The following CCDC85A variants were observed in gnomAD, a reference collection of about 807,000 sequenced individuals.
The protein encoded by CCDC85A is coiled-coil domain containing 85A, also known as coiled-coil domain-containing protein 85A.
Under a neutral mutation model 50.2 loss-of-function variants are expected in CCDC85A, and 38 were observed. The observed-to-expected ratio is 0.76, with a 90% confidence interval of 0.58 to 0.99. The LOEUF is 0.99. Among genes scored for constraint, CCDC85A ranks in the 50% least tolerant of loss-of-function variants. The pLI, the probability that CCDC85A is intolerant of heterozygous loss-of-function variation, is 0.00. For synonymous variants in CCDC85A, 366 were observed against 301.4 expected, an observed-to-expected ratio of 1.21 and a Z score of -2.22; for missense variants, 820 against 742.0, an observed-to-expected ratio of 1.11 and a Z score of -1.22.
chr2:56,198,418 T>G (rs1251757327), intron 2 of CCDC85A, among the ~76,000 whole-genome samples: 1 of 152,200 alleles, frequency 6.6e-6, no homozygotes, highest in Non-Finnish European at 1.5e-5. Context: ...GTTAAAGAAA[T>G]AATAATGGTT....
intron 2 of CCDC85A, among the ~76,000 whole-genome samples, chr2:56,201,242 A>G (rs1676736328): frequency 6.6e-6 from 1 of 152,164 alleles, no homozygotes; most frequent in African/African-American, 2.4e-5. Flanking sequence ...TTTCAGCCGT[A>G]TGAAGGAAAG....
intron 2 of CCDC85A, among the ~76,000 whole-genome samples, chr2:56,285,000 A>G (rs1235734522): frequency 1.3e-5 from 2 of 152,090 alleles, no homozygotes; most frequent in Non-Finnish European, 2.9e-5. Flanking sequence ...TACATTTTAT[A>G]TTAGTCTCTT....
chr2:56,283,699 G>A (rs1671303530), intron 2 of CCDC85A, among the ~76,000 whole-genome samples: 1 of 152,084 alleles, frequency 6.6e-6, no homozygotes, highest in African/African-American at 2.4e-5. Flanking sequence ...AAAATTACTG[G>A]TATGAGTTGT....
At chr2:56,198,574 A>G (rs573789526) in intron 2 of CCDC85A, among the ~76,000 whole-genome samples, 292 of 152,366 alleles carry the variant, frequency 1.9e-3, no homozygotes, top group African/African-American at 6.8e-3. Context: ...ATACATTTTG[A>G]CTTAATGACA....
At chr2:56,210,160 A>G (rs1454671858) in intron 2 of CCDC85A, among the ~76,000 whole-genome samples, 3 of 152,114 alleles carry the variant, frequency 2.0e-5, no homozygotes, top group African/African-American at 4.8e-5. Flanking sequence ...CTGTCTGTGA[A>G]GGCACATATC....
At chr2:56,366,607 T>C (rs774431505) in intron 3 of CCDC85A, among the ~76,000 whole-genome samples, 35 of 152,242 alleles carry the variant, frequency 2.3e-4, no homozygotes, top group South Asian at 2.1e-4. Context: ...GTTTCCTTGC[T>C]ATTGAGATGT....
chr2:56,201,076 CCACACACACACACACACACACA>C (rs72152096), intron 2 of CCDC85A, among the ~76,000 whole-genome samples: 1 of 147,300 alleles, frequency 6.8e-6, no homozygotes, highest in Non-Finnish European at 1.5e-5. Flanking sequence ...TCATCTCTCT[CCACACACACACACACACACACA>C]CACACACACA....
Position 56,384,715 on chromosome 2 carries a change from T to C in CCDC85A, c.*360T>C. 1 of 186,030 alleles carries C rather than the reference T, an allele frequency of 5.4e-6. No homozygotes were observed. Among genetic ancestry groups the C allele is most frequent in the Non-Finnish European group, 1.2e-5 (1 of 86,522 alleles). The allele number at this position is 186,030 out of a possible 1,614,324, so 11.5% of individuals were successfully genotyped here. ...AACCTGAATAGTTTTAAGAGTCCAGTGGAGCCTCAGTGTTTTGAATAGAGA... is the reference window on the plus strand; with the variant it reads ...AACCTGAATAGTTTTAAGAGTCCAGCGGAGCCTCAGTGTTTTGAATAGAGA... On this transcript the variant is annotated 3_prime_UTR_variant, in exon 6 of 6. Coordinates refer to ENST00000407595, the MANE Select transcript of CCDC85A (RefSeq NM_001080433.2).
At chr2:56,370,744 A>G (rs1304548538) in intron 3 of CCDC85A, among the ~76,000 whole-genome samples, 1 of 152,136 alleles carries the variant, frequency 6.6e-6, no homozygotes, top group Non-Finnish European at 1.5e-5. Flanking sequence ...TTTCATGGGT[A>G]TGATGATAAG....
In CCDC85A at chr2:56,294,277, G is replaced by A. The variant is rs554558700; in HGVS notation, c.1241-48602G>A. Among the ~76,000 whole-genome samples the A allele has an allele frequency of 2.6e-5, 4 of 152,132 alleles. No homozygotes were observed. In the South Asian group the frequency reaches 8.3e-4, roughly 32 times the overall value. On this transcript the variant is annotated intron_variant, in intron 2 of 5. Transcript: ENST00000407595. Reference sequence around the variant, plus strand: ...ACAAGGAGGAGAACAATACACACTGGGGCCTTTTGGGGGGTGGCAGGGGAA... The same window carrying A: ...ACAAGGAGGAGAACAATACACACTGAGGCCTTTTGGGGGGTGGCAGGGGAA...
At chr2:56,354,829 A>G (rs967290861) in intron 3 of CCDC85A, among the ~76,000 whole-genome samples, 6 of 152,226 alleles carry the variant, frequency 3.9e-5, no homozygotes, top group African/African-American at 2.4e-5. Context: ...GGTTTATTTT[A>G]GAATTAAAAA....
chr2:56,274,458 C>T (rs141493346), intron 2 of CCDC85A, among the ~76,000 whole-genome samples: 50 of 152,262 alleles, frequency 3.3e-4, no homozygotes, highest in African/African-American at 9.6e-4. Flanking sequence ...GCTGGAGGCT[C>T]AGGTAGGGTT....
At chr2:56,321,116 A>T (rs189781797) in intron 2 of CCDC85A, among the ~76,000 whole-genome samples, 62 of 152,290 alleles carry the variant, frequency 4.1e-4, no homozygotes, top group African/African-American at 1.5e-3. Flanking sequence ...CCTCTCAATA[A>T]ATTAGGTATT....
At chr2:56,242,872 T>C (rs1244825971) in intron 2 of CCDC85A, among the ~76,000 whole-genome samples, 2 of 152,106 alleles carry the variant, frequency 1.3e-5, no homozygotes, top group Non-Finnish European at 2.9e-5. Flanking sequence ...TTCAATGTCT[T>C]CTGTTAGTAA....
intron 2 of CCDC85A, among the ~76,000 whole-genome samples, chr2:56,294,764 G>C (rs1407803741): frequency 6.6e-6 from 1 of 152,192 alleles, no homozygotes; most frequent in African/African-American, 2.4e-5. Flanking sequence ...TTGCAGAGGA[G>C]AACTGCCAGA....
intron 2 of CCDC85A, among the ~76,000 whole-genome samples, chr2:56,276,313 T>TTTA (rs59245463): frequency 5.3e-5 from 8 of 152,200 alleles, no homozygotes; most frequent in Non-Finnish European, 7.4e-5. Flanking sequence ...TTACTGGCTT[T>TTTA]ACTTTCTGAA....
chr2:56,192,386 A>G lies in CCDC85A; in HGVS notation c.277-91A>G. 1.3e-6 allele frequency: 2 copies of G among 1,511,268 alleles called. No homozygotes were observed. The highest frequency in any genetic ancestry group is 1.4e-5 in the South Asian group (1 of 73,678). The allele number at this position is 1,511,268 out of a possible 1,614,324, so 93.6% of individuals were successfully genotyped here. ...CCTCCCCTAACCTCACAGGTAATTC[A>G]CCAGTTACAGGCTCTCCCTTTCCAG... On this transcript the variant is annotated intron_variant, in intron 1 of 5. Transcript: ENST00000407595. The surrounding 1 kb of genome is among the most constrained non-coding windows in gnomAD (Gnocchi z 4.7).
intron 3 of CCDC85A, among the ~76,000 whole-genome samples, chr2:56,362,360 A>G (rs1675571023): frequency 6.6e-6 from 1 of 152,104 alleles, no homozygotes; most frequent in South Asian, 2.1e-4. Context: ...ATAGTGTTGG[A>G]TGTGTACATG....
intron 3 of CCDC85A, among the ~76,000 whole-genome samples, chr2:56,363,066 T>C (rs1050874492): frequency 2.0e-5 from 3 of 152,144 alleles, no homozygotes; most frequent in African/African-American, 7.2e-5. Flanking sequence ...GTTAAATGAG[T>C]GTATATATAG....
Sources: gnomAD v4.1 joint callset for allele counts (sites outside exome capture counted in the v4.1 genomes callset) on GRCh38, gnomAD v4.1.1 for gene constraint, Gnocchi (gnomAD v3.1) non-coding constraint, MANE v1.5 for transcripts, NCBI Gene and HGNC (gene_info 2026-07-23, HGNC 2026-07-21) for gene names.